Variants in EPB41 observed in about 807,000 individuals in gnomAD.
EPB41 encodes erythrocyte membrane protein band 4.1.
In EPB41, 65 loss-of-function variants were observed where a neutral mutation model predicts 108.0. The ratio of observed to expected loss-of-function variants is 0.60; its 90% CI spans 0.49 to 0.74. The LOEUF (loss-of-function observed/expected upper bound fraction) is 0.74, where lower values mean the gene tolerates loss of function less well. EPB41 is among the 30% of genes least tolerant of loss of function. The pLI is 0.00. For missense variants in EPB41, 875 were observed against 1,037.0 expected, an observed-to-expected ratio of 0.84 and a Z score of 2.15; for synonymous variants, 336 against 358.9, an observed-to-expected ratio of 0.94 and a Z score of 0.72.
At chr1:28,900,125 T>C (rs559906676) in intron 1 of EPB41, among the ~76,000 whole-genome samples, 10 of 152,270 alleles carry the variant, frequency 6.6e-5, no homozygotes, top group African/African-American at 2.2e-4. Context: ...AAAGAGCTCA[T>C]TGAGAAGGAA....
chr1:28,894,213 G>A (rs2090434323), intron 1 of EPB41, among the ~76,000 whole-genome samples: 1 of 152,214 alleles, frequency 6.6e-6, no homozygotes. Context: ...CAAGGGCAGG[G>A]ATTTTTGTTC....
chr1:28,975,953 A>AAG (rs2095597106), intron 1 of EPB41, among the ~76,000 whole-genome samples: 1 of 150,846 alleles, frequency 6.6e-6, no homozygotes, highest in African/African-American at 2.4e-5. Context: ...AAAAAAAAAA[A>AAG]AAAAAAAAGA....
chr1:29,052,062 TAA>T (rs750949970), intron 11 of EPB41, among the ~76,000 whole-genome samples: 3 of 152,154 alleles, frequency 2.0e-5, no homozygotes, highest in African/African-American at 7.2e-5. Context: ...ATAAAAACCA[TAA>T]AAAGAGTATG....
chr1:28,920,919 T>C (rs1273364233), intron 1 of EPB41, among the ~76,000 whole-genome samples: 1 of 152,082 alleles, frequency 6.6e-6, no homozygotes, highest in African/African-American at 2.4e-5. Flanking sequence ...GTGTGAGCCA[T>C]GGCGCCCAGC....
intron 17 of EPB41, among the ~76,000 whole-genome samples, chr1:29,107,954 A>G (rs1246370523): frequency 7.2e-6 from 1 of 138,468 alleles, no homozygotes; most frequent in Non-Finnish European, 1.5e-5. Flanking sequence ...GCTTAAACCC[A>G]GGAGGTGGAG....
intron 7 of EPB41, among the ~76,000 whole-genome samples, chr1:29,026,308 T>C (rs939550106): frequency 6.6e-6 from 1 of 152,224 alleles, no homozygotes; most frequent in Non-Finnish European, 1.5e-5. Flanking sequence ...GAAACTAAAA[T>C]GAACCCTGTT....
intron 1 of EPB41, among the ~76,000 whole-genome samples, chr1:28,934,666 TTGTGTGTGTGTGTGTGTG>T (rs1204147204): frequency 7.3e-6 from 1 of 136,308 alleles, no homozygotes; most frequent in East Asian, 2.1e-4. Context: ...TCTTTTGACA[TTGTGTGTGTGTGTGTGTG>T]TGTGTGTGTG....
At chr1:29,081,172 T>G (rs533927347) in intron 16 of EPB41, among the ~76,000 whole-genome samples, 2 of 152,236 alleles carry the variant, frequency 1.3e-5, no homozygotes, top group Non-Finnish European at 2.9e-5. Flanking sequence ...TTATTTTAAA[T>G]CAGCTTTGAA....
In EPB41 at chr1:28,997,236, T is replaced by G; in HGVS notation, c.703T>G (p.Leu235Val). Residue 235 changes from leucine to valine, a missense_variant, in exon 4 of 21, where the codon TTG becomes GTG. Transcript: ENST00000343067. Reference sequence around the variant, plus strand: ...GCAGAAACATGCTAAGGGACAAGATTTGCTTAAACGAGTATGTGAGCATCT... The same window carrying G: ...GCAGAAACATGCTAAGGGACAAGATGTGCTTAAACGAGTATGTGAGCATCT... ...VVEKHAKGQD[L>V]LKRVCEHLNL... 1 of 1,614,024 alleles carries G rather than the reference T, an allele frequency of 6.2e-7. No individual in the cohort carries two copies. Among genetic ancestry groups the G allele is most frequent in the South Asian group, 1.1e-5 (1 of 91,076 alleles).
chr1:28,887,772 C>T lies in EPB41; in HGVS notation c.-8+562C>T, dbSNP rs985048317. 16 of 772,282 alleles carry T rather than the reference C, an allele frequency of 2.1e-5. No homozygotes were observed. Among genetic ancestry groups the T allele is most frequent in the African/African-American group, 1.5e-4 (8 of 53,144 alleles). The allele number at this position is 772,282 out of a possible 1,614,324, so 47.8% of individuals were successfully genotyped here. A position where few individuals can be genotyped will look rare whatever the true frequency, so the allele number is the denominator to read the frequency against. ...GCGCCGGCTGTGCCCGCCAGGGTGG[C>T]CCCCCCGGCCGTCGCGCCAGCCCCA... On this transcript the variant is annotated intron_variant, in intron 1 of 16. Transcript: ENST00000347529. This position sits in a 1 kb window ranked among gnomAD's most constrained non-coding sequence, Gnocchi z 4.9.
chr1:28,890,606 C>T (rs747440452), intron 1 of EPB41, among the ~76,000 whole-genome samples: 4 of 152,170 alleles, frequency 2.6e-5, no homozygotes, highest in East Asian at 1.9e-4. Context: ...GTTCTTGGCC[C>T]GTGTTCTCTA....
chr1:28,987,543 G>A lies in EPB41; in HGVS notation c.106G>A (p.Glu36Lys). 6.2e-7 allele frequency: 1 copy of A among 1,614,172 alleles called. No individual in the cohort carries two copies. The highest frequency in any genetic ancestry group is 1.3e-5 in the African/African-American group (1 of 75,038). Reference sequence around the variant, plus strand: ...CTCAGGCCAACAAGAACCTCAGCAGGAGGAATCTTGTCAAACAGCAGCTGA... The same window carrying A: ...CTCAGGCCAACAAGAACCTCAGCAGAAGGAATCTTGTCAAACAGCAGCTGA... ...INSGQQEPQQ[E>K]ESCQTAAEGD... is the part of the protein sequence containing the mutation. The change falls in exon 2 of 21, where the codon GAG (glutamate) becomes AAG (lysine). Residue 36 changes from glutamate (E) to lysine (K), a missense_variant. Physicochemically the swap from Glu to Lys is moderately conservative, Grantham distance 56. This residue lies in a region of EPB41 where 353 missense variants were observed against 393.2 expected (regional missense o/e 0.90). Coordinates refer to ENST00000343067, the MANE Select transcript of EPB41 (RefSeq NM_001376013.1).
At chr1:28,946,431 C>T (rs2094492244) in intron 1 of EPB41, among the ~76,000 whole-genome samples, 1 of 152,142 alleles carries the variant, frequency 6.6e-6, no homozygotes, top group African/African-American at 2.4e-5. Flanking sequence ...AAAAGAATCT[C>T]CTGCTATAAC....
chr1:28,942,192 A>T (rs2094315483), intron 1 of EPB41, among the ~76,000 whole-genome samples: 1 of 152,168 alleles, frequency 6.6e-6, no homozygotes, highest in African/African-American at 2.4e-5. Context: ...CACACTAACC[A>T]AGCAATTCTC....
intron 19 of EPB41, among the ~76,000 whole-genome samples, chr1:29,112,987 A>G: frequency 6.6e-6 from 1 of 152,228 alleles, no homozygotes; most frequent in East Asian, 1.9e-4. Flanking sequence ...AGACACCAGC[A>G]GACTCGAAAC....
At chr1:28,916,087 A>G (rs538150181) in intron 1 of EPB41, among the ~76,000 whole-genome samples, 38 of 152,294 alleles carry the variant, frequency 2.5e-4, no homozygotes, top group Admixed American at 1.7e-3. Flanking sequence ...AAGTGTAATC[A>G]GTTCTTCGCC....
chr1:29,009,975 G>A (rs973523203), intron 4 of EPB41, among the ~76,000 whole-genome samples: 8 of 152,038 alleles, frequency 5.3e-5, no homozygotes, highest in African/African-American at 1.9e-4. Flanking sequence ...AGGGCAAATG[G>A]GATAGTCACC....
At chr1:29,021,700 G>A (rs988476408) in intron 7 of EPB41, among the ~76,000 whole-genome samples, 4 of 150,990 alleles carry the variant, frequency 2.6e-5, no homozygotes, top group South Asian at 4.2e-4. Flanking sequence ...CTCCTGCCTC[G>A]GCCTCCTGAG....
intron 5 of EPB41, 102 bp from the exon 6 acceptor site, chr1:29,015,590 A>AAT: frequency 2.5e-6 from 2 of 803,304 alleles, no homozygotes; most frequent in Non-Finnish European, 4.1e-6. Context: ...AAAAAAAAAA[A>AAT]GAAAGAAAAA....
Sources: gnomAD v4.1 joint callset for allele counts (sites outside exome capture counted in the v4.1 genomes callset) on GRCh38, gnomAD v4.1.1 for gene constraint, gnomAD v4.1.1 regional missense constraint, Gnocchi (gnomAD v3.1) non-coding constraint, MANE v1.5 for transcripts, NCBI Gene and HGNC (gene_info 2026-07-23, HGNC 2026-07-21) for gene names.